The following PTPRM variants were observed in gnomAD, a reference collection of about 807,000 sequenced individuals.
The protein encoded by PTPRM is protein tyrosine phosphatase receptor type M.
PTPRM carries 47 observed loss-of-function variants against 186.7 expected under a neutral mutation model. The ratio of observed to expected loss-of-function variants is 0.25; its 90% CI spans 0.20 to 0.32. PTPRM has a LOEUF of 0.32. PTPRM is among the 10% of genes least tolerant of loss of function. The pLI is 1.00. For synonymous variants in PTPRM, 668 were observed against 674.9 expected (o/e 0.99, Z 0.16); for missense variants, 1,494 against 1,865.0 (o/e 0.80, Z 3.66).
chr18:7,653,797 TG>T (rs1257834614), intron 1 of PTPRM, among the ~76,000 whole-genome samples: 1 of 152,200 alleles, frequency 6.6e-6, no homozygotes, highest in Non-Finnish European at 1.5e-5. Flanking sequence ...TGTGTCTTTA[TG>T]GTAGAATGAT....
chr18:8,055,039 T>C (rs1475765029), intron 7 of PTPRM, among the ~76,000 whole-genome samples: 1 of 152,200 alleles, frequency 6.6e-6, no homozygotes, highest in Non-Finnish European at 1.5e-5. Context: ...TTTTTCTCTC[T>C]AGATGCTTTT....
At chr18:8,248,222 G>T in intron 17 of PTPRM, 46 bp downstream of exon 17, 1 of 1,476,592 alleles carries the variant, frequency 6.8e-7, no homozygotes, top group South Asian at 1.1e-5. Context: ...GAGTAATTTA[G>T]AAAGTCAGTG....
intron 19 of PTPRM, among the ~76,000 whole-genome samples, chr18:8,291,924 G>A (rs1033273143): frequency 3.3e-5 from 5 of 151,998 alleles, no homozygotes; most frequent in Admixed American, 2.0e-4. Flanking sequence ...CTCTAGGGAA[G>A]GAAGAATAAA....
chr18:7,941,767 C>T (rs1215511931), intron 5 of PTPRM, among the ~76,000 whole-genome samples: 1 of 152,242 alleles, frequency 6.6e-6, no homozygotes. Flanking sequence ...ATCTTCCTGG[C>T]AGTTAGCCCA....
intron 1 of PTPRM, among the ~76,000 whole-genome samples, chr18:7,685,069 G>T (rs747540552): frequency 5.3e-5 from 8 of 152,164 alleles, no homozygotes; most frequent in African/African-American, 9.7e-5. Flanking sequence ...TGCTTATGAT[G>T]ATAGGCACAC....
intron 2 of PTPRM, among the ~76,000 whole-genome samples, chr18:7,867,507 A>C (rs2146135631): frequency 6.6e-6 from 1 of 152,282 alleles, no homozygotes; most frequent in East Asian, 1.9e-4. Flanking sequence ...CTTTTCTTTA[A>C]AAATGTTGAA....
intron 4 of PTPRM, among the ~76,000 whole-genome samples, chr18:7,915,487 T>C (rs1156550157): frequency 6.6e-6 from 1 of 152,210 alleles, no homozygotes; most frequent in East Asian, 1.9e-4. Context: ...TACACTTTTC[T>C]GGCCATAGAG....
intron 14 of PTPRM, among the ~76,000 whole-genome samples, chr18:8,213,319 C>T (rs2094032964): frequency 6.6e-6 from 1 of 152,200 alleles, no homozygotes; most frequent in African/African-American, 2.4e-5. Flanking sequence ...TGTGCAATCT[C>T]ATAAACTGGA....
At chr18:8,137,432 C>T (rs978627612) in intron 13 of PTPRM, among the ~76,000 whole-genome samples, 13 of 152,100 alleles carry the variant, frequency 8.5e-5, no homozygotes, top group Admixed American at 2.0e-4. Context: ...GTGTCCTGCT[C>T]GTTCCAGCCA....
At chr18:7,985,619 A>G (rs544240671) in intron 7 of PTPRM, among the ~76,000 whole-genome samples, 1 of 150,410 alleles carries the variant, frequency 6.6e-6, no homozygotes, top group Admixed American at 6.7e-5. Context: ...ATATACTGGT[A>G]GATACGTATA....
chr18:7,631,793 C>T lies in PTPRM; in HGVS notation c.73+63902C>T, dbSNP rs568792104. Among the ~76,000 whole-genome samples, 24 of 152,112 alleles carry T rather than the reference C, an allele frequency of 1.6e-4. 1 individual carries two copies. The highest frequency in any genetic ancestry group is 1.2e-3 in the Admixed American group (18 of 15,270). ...AGATACAGACTATTTCCCAGATAGA[C>T]GGGTAGGTTCCCTGTTACTGCCCTC... is the stretch of plus-strand genomic sequence containing the variant. On this transcript the variant is annotated intron_variant, in intron 1 of 32. Transcript: ENST00000580170.
intron 6 of PTPRM, among the ~76,000 whole-genome samples, chr18:7,951,012 A>G (rs1277229585): frequency 1.3e-5 from 2 of 152,230 alleles, no homozygotes; most frequent in African/African-American, 2.4e-5. Flanking sequence ...CGTCTGCAGC[A>G]GTGACTGATG....
chr18:7,925,834 T>C (rs1204891107), intron 4 of PTPRM, among the ~76,000 whole-genome samples: 1 of 152,230 alleles, frequency 6.6e-6, no homozygotes, highest in Admixed American at 6.5e-5. Flanking sequence ...CTGTTTTCAG[T>C]GTGATGCAGA....
intron 23 of PTPRM, among the ~76,000 whole-genome samples, chr18:8,355,511 G>A (rs1389854923): frequency 2.0e-5 from 3 of 151,998 alleles, no homozygotes; most frequent in Admixed American, 2.0e-4. Flanking sequence ...TCAGGAATTG[G>A]GCTTCAGCTC....
intron 1 of PTPRM, among the ~76,000 whole-genome samples, chr18:7,612,761 T>G (rs1190408622): frequency 6.6e-6 from 1 of 152,226 alleles, no homozygotes; most frequent in Non-Finnish European, 1.5e-5. Context: ...TTCTTTCATT[T>G]TGGCTTCAGG....
At chr18:8,346,635 G>A (rs1051775690) in intron 23 of PTPRM, among the ~76,000 whole-genome samples, 1 of 152,152 alleles carries the variant, frequency 6.6e-6, no homozygotes, top group African/African-American at 2.4e-5. Context: ...GATTCAGTGA[G>A]TTTCCACATG....
intron 1 of PTPRM, among the ~76,000 whole-genome samples, chr18:7,630,945 G>T (rs2038176334): frequency 1.3e-5 from 2 of 152,216 alleles, no homozygotes; most frequent in South Asian, 2.1e-4. Flanking sequence ...CTTAGGTTGG[G>T]TTGGCTTATG....
chr18:8,268,870 A>G (rs936358074), intron 19 of PTPRM, among the ~76,000 whole-genome samples: 3 of 152,104 alleles, frequency 2.0e-5, no homozygotes, highest in African/African-American at 7.2e-5. Context: ...CTCAAAATTC[A>G]AAGTCCTTTC....
chr18:7,905,611 G>T (rs1300294104), intron 3 of PTPRM, among the ~76,000 whole-genome samples: 1 of 152,126 alleles, frequency 6.6e-6, no homozygotes, highest in Non-Finnish European at 1.5e-5. Flanking sequence ...TGTGGCGGTA[G>T]GTCCCAATTC....
Sources: allele counts gnomAD v4.1 joint callset (sites outside exome capture counted in the v4.1 genomes callset), GRCh38; gene constraint gnomAD v4.1.1; transcripts MANE v1.5; gene names NCBI Gene and HGNC (gene_info 2026-07-23, HGNC 2026-07-21).